Variants in HOXC4 observed in about 807,000 individuals in gnomAD.
HOXC4 encodes the protein homeobox protein Hox-C4.
HOXC4 carries 15 observed loss-of-function variants against 25.5 expected under a neutral mutation model. The observed-to-expected ratio is 0.59, with a 90% CI of 0.39 to 0.91. The LOEUF (loss-of-function observed/expected upper bound fraction) is 0.91. Ranked by LOEUF, HOXC4 falls within the 40% of genes least tolerant of loss-of-function variation. The pLI is 0.00. For synonymous variants in HOXC4, 165 were observed against 148.0 expected, an observed-to-expected ratio of 1.11 and a Z score of -0.83; for missense variants, 342 against 352.4, an observed-to-expected ratio of 0.97 and a Z score of 0.24.
chr12:54,023,644 C>G (rs575071936), intron 1 of HOXC4, among the ~76,000 whole-genome samples: 10 of 152,288 alleles, frequency 6.6e-5, no homozygotes, highest in African/African-American at 2.4e-4. Flanking sequence ...CCCCAGCTCC[C>G]TTCAACTGGT....
rs1255561833 is a variant in HOXC4, at chr12:54,054,034, G to T, written c.112G>T (p.Gly38Cys). 1.2e-6 allele frequency: 2 copies of T among 1,613,368 alleles called. No homozygotes were observed. The highest frequency in any genetic ancestry group is 1.7e-6 in the Non-Finnish European group (2 of 1,179,390). Residue 38 changes from glycine to cysteine, a missense_variant, in exon 1 of 2, where the codon GGC becomes TGC. Gly to Cys is a radical substitution (Grantham distance 159). Coordinates refer to ENST00000430889, the MANE Select transcript of HOXC4 (RefSeq NM_153633.3). ...CCCTGAACACAGTCCGGAATATTAC[G>T]GCCGGACCAGGGAATCGGGATTCCA... ...YIPEHSPEYY[G>C]RTRESGFQHH...
intron 1 of HOXC4, among the ~76,000 whole-genome samples, chr12:54,046,677 C>A (rs754223228): frequency 6.6e-6 from 1 of 152,288 alleles, no homozygotes. Context: ...GGAAAACCAG[C>A]AGTTTGGGGA....
chr12:54,028,263 ATATATT>A (rs1344108100), intron 1 of HOXC4: 1,540 of 72,806 alleles, frequency 0.021, 18 homozygotes, highest in Non-Finnish European at 0.026. Context: ...ATATATATAT[ATATATT>A]TTTTAAAAGA....
chr12:54,051,151 C>T (rs992286861), upstream of HOXC4, among the ~76,000 whole-genome samples: 1 of 151,990 alleles, frequency 6.6e-6, no homozygotes, highest in Non-Finnish European at 1.5e-5. Flanking sequence ...AGTGTGAGGG[C>T]TGAGAGGATG....
chr12:54,044,854 C>T (rs1393654559), intron 1 of HOXC4, among the ~76,000 whole-genome samples: 1 of 152,128 alleles, frequency 6.6e-6, no homozygotes, highest in Admixed American at 6.5e-5. Context: ...ATCCCCCACC[C>T]CCTGGCTGGC....
chr12:54,032,674 T>C (rs1406328446), intron 1 of HOXC4, among the ~76,000 whole-genome samples: 1 of 152,208 alleles, frequency 6.6e-6, no homozygotes, highest in Non-Finnish European at 1.5e-5. Context: ...CAGCTTCTCC[T>C]TCACAGTGTA....
chr12:54,029,965 A>G, intron 1 of HOXC4: 1 of 1,546,050 alleles, frequency 6.5e-7, no homozygotes, highest in South Asian at 1.2e-5. Context: ...AAGAGTGACC[A>G]GGACTGTCCC....
intron 1 of HOXC4, chr12:54,033,877 C>G (rs1232067750): frequency 6.0e-6 from 3 of 500,894 alleles, no homozygotes; most frequent in Admixed American, 3.7e-5. Flanking sequence ...CGGGGATCCC[C>G]CCGCGGCTCC....
chr12:54,041,575 C>T (rs1014943640), intron 1 of HOXC4, among the ~76,000 whole-genome samples: 12 of 152,164 alleles, frequency 7.9e-5, no homozygotes, highest in African/African-American at 2.9e-4. Context: ...GGGACAATGC[C>T]ACAGGCCAGG....
At chr12:54,020,191 A>G (rs1940369884) in intron 1 of HOXC4, 1 of 152,198 alleles carries the variant, frequency 6.6e-6, no homozygotes, top group Admixed American at 6.5e-5. Flanking sequence ...GTGATTATCT[A>G]ATAATAGCCA....
chr12:54,036,826 G>A (rs1306502211), intron 1 of HOXC4, among the ~76,000 whole-genome samples: 2 of 152,230 alleles, frequency 1.3e-5, no homozygotes, highest in African/African-American at 2.4e-5. Context: ...TAAGAAAGAG[G>A]CTGTGGCACC....
At chr12:54,028,263 A>ATTTTT (rs951684966) in intron 1 of HOXC4, 1 of 72,834 alleles carries the variant, frequency 1.4e-5, no homozygotes, top group African/African-American at 4.9e-5. Context: ...ATATATATAT[A>ATTTTT]TATATTTTTT....
intron 1 of HOXC4, chr12:54,022,639 A>G (rs547683198): frequency 6.6e-6 from 1 of 152,212 alleles, no homozygotes; most frequent in South Asian, 2.1e-4. Context: ...TCCAGAACAT[A>G]ACAACATTTT....
intron 1 of HOXC4, chr12:54,033,431 G>C: frequency 1.2e-6 from 2 of 1,602,864 alleles, no homozygotes; most frequent in Non-Finnish European, 8.5e-7. Context: ...GTCAGAAGGC[G>C]GCTCGCCCGG....
chr12:54,043,746 G>A (rs757769683), intron 1 of HOXC4, among the ~76,000 whole-genome samples: 1 of 152,184 alleles, frequency 6.6e-6, no homozygotes, highest in Non-Finnish European at 1.5e-5. Flanking sequence ...AGGAGTTGAA[G>A]AGACATGGAG....
chr12:54,050,954 T>C (rs112497195), upstream of HOXC4, among the ~76,000 whole-genome samples: 8 of 152,318 alleles, frequency 5.3e-5, 2 homozygotes, highest in African/African-American at 1.9e-4. Context: ...TGGGGGCATC[T>C]GAACCCTCTG....
intron 1 of HOXC4, among the ~76,000 whole-genome samples, chr12:54,031,229 C>T (rs375665934): frequency 1.3e-5 from 2 of 152,330 alleles, no homozygotes; most frequent in South Asian, 4.1e-4. Flanking sequence ...CTCCTCCACC[C>T]ACTCCCGGGA....
chr12:54,052,581 G>T (rs1565753908), upstream of HOXC4, among the ~76,000 whole-genome samples: 1 of 137,520 alleles, frequency 7.3e-6, no homozygotes, highest in African/African-American at 2.9e-5. Context: ...GGGGGGGGGG[G>T]TGGTGGTTAG....
At chr12:54,036,494 T>G (rs1941187061) in intron 1 of HOXC4, among the ~76,000 whole-genome samples, 1 of 152,184 alleles carries the variant, frequency 6.6e-6, no homozygotes, top group Non-Finnish European at 1.5e-5. Flanking sequence ...TACCCATCAG[T>G]CATTTTTTAA....
Sources: allele counts gnomAD v4.1 joint callset (sites outside exome capture counted in the v4.1 genomes callset), GRCh38; gene constraint gnomAD v4.1.1; transcripts MANE v1.5; gene names NCBI Gene and HGNC (gene_info 2026-07-23, HGNC 2026-07-21).